Variants in CNTN6 observed in about 807,000 individuals in gnomAD.
The protein encoded by CNTN6 is contactin-6.
A neutral mutation model predicts 122.8 loss-of-function variants in CNTN6; 137 were observed. The ratio of observed to expected loss-of-function variants is 1.12; its 90% confidence interval spans 0.97 to 1.29. The LOEUF is 1.29. Ranked by LOEUF, CNTN6 falls within the 50% of genes most tolerant of loss-of-function variation. The pLI is 0.00. For missense variants in CNTN6, 1,634 were observed against 1,223.4 expected (o/e 1.34, Z -5.01); for synonymous variants, 570 against 426.0 (o/e 1.34, Z -4.16).
At chr3:1,396,310 T>C (rs1278685327) in intron 20 of CNTN6, among the ~76,000 whole-genome samples, 1 of 152,198 alleles carries the variant, frequency 6.6e-6, no homozygotes, top group African/African-American at 2.4e-5. Context: ...AATGGTCTTT[T>C]TTCTGCTCTA....
chr3:1,346,117 C>T (rs1050260821), intron 11 of CNTN6, among the ~76,000 whole-genome samples: 1 of 151,958 alleles, frequency 6.6e-6, no homozygotes, highest in Non-Finnish European at 1.5e-5. Flanking sequence ...TTGGAATCTA[C>T]ATGTACAGAT....
intron 7 of CNTN6, among the ~76,000 whole-genome samples, chr3:1,305,563 G>A (rs1431858514): frequency 2.0e-5 from 3 of 151,930 alleles, no homozygotes; most frequent in South Asian, 2.1e-4. Flanking sequence ...AGATATGTAC[G>A]TCTCCTTTGA....
At position 1,401,461 on chromosome 3, in the gene CNTN6, C is replaced by T; in HGVS notation, c.2733C>T (p.Ala911=). 3 of 1,611,980 alleles carry T rather than the reference C, an allele frequency of 1.9e-6. No individual in the cohort carries two copies. Among genetic ancestry groups the T allele is most frequent in the Non-Finnish European group, 2.5e-6 (3 of 1,178,616 alleles). Residue 911 remains alanine, a synonymous_variant, in exon 21 of 23, where the codon GCC becomes GCT. Transcript: ENST00000446702. ...CAAGCCAACCACCAGCAAACATTGC[C>T]TGGAAGCTGACAAACTCTAAATTAT... ...SPPSQPPANI[A]WKLTNSKLCL...
chr3:1,172,367 G>A (rs944902412), intron 2 of CNTN6, among the ~76,000 whole-genome samples: 1 of 147,642 alleles, frequency 6.8e-6, no homozygotes, highest in Non-Finnish European at 1.5e-5. Context: ...AGGAAAACAA[G>A]AAAGAAGGGA....
At chr3:1,268,109 C>T (rs1456992337) in intron 4 of CNTN6, among the ~76,000 whole-genome samples, 4 of 152,132 alleles carry the variant, frequency 2.6e-5, no homozygotes, top group Non-Finnish European at 5.9e-5. Flanking sequence ...CCCTGCAGAA[C>T]AAAAGGTGAG....
intron 2 of CNTN6, among the ~76,000 whole-genome samples, chr3:1,200,069 T>TA (rs2093840098): frequency 7.2e-5 from 11 of 152,290 alleles, no homozygotes; most frequent in African/African-American, 2.6e-4. Context: ...TATATATATA[T>TA]TTTTTAAGAT....
chr3:1,311,299 G>GTATATGTATATATAAAATGTATATATACA lies in CNTN6; in HGVS notation c.762-10343_762-10342insTATATAAAATGTATATATACATATATGTA, dbSNP rs1559786629. ...CATACATATTTATATATACATATACGTATATGTACATATAAAATGTATATA... is the reference window on the plus strand; with the variant it reads ...CATACATATTTATATATACATATACGTATATGTATATATAAAATGTATATATACATATATGTACATATAAAATGTATATA... On this transcript the variant is annotated intron_variant, in intron 7 of 22. Coordinates refer to ENST00000446702, the MANE Select transcript of CNTN6 (RefSeq NM_001289080.2). 4.4e-3 allele frequency among the ~76,000 whole-genome samples: 613 copies of GTATATGTATATATAAAATGTATATATACA among 138,770 alleles called. 117 individuals are homozygous for GTATATGTATATATAAAATGTATATATACA. The highest frequency in any genetic ancestry group is 0.014 in the African/African-American group (536 of 36,974). The allele number at this position is 138,770 out of a possible 152,430, so 91.0% of individuals were successfully genotyped here. A position where few individuals can be genotyped will look rare whatever the true frequency, so the allele number is the denominator to read the frequency against.
At chr3:1,358,293 T>G (rs1706910426) in intron 12 of CNTN6, among the ~76,000 whole-genome samples, 1 of 151,986 alleles carries the variant, frequency 6.6e-6, no homozygotes, top group African/African-American at 2.4e-5. Flanking sequence ...TGCCCAAACC[T>G]GCAAACACTT....
intron 7 of CNTN6, among the ~76,000 whole-genome samples, chr3:1,311,079 T>G (rs1699158015): frequency 6.6e-6 from 1 of 151,760 alleles, no homozygotes; most frequent in African/African-American, 2.4e-5. Context: ...GTTACTTCCT[T>G]TGCTTAAAGC....
In CNTN6 at chr3:1,181,197, A is replaced by G. The variant is rs185568495; in HGVS notation, c.55+33134A>G. Among the ~76,000 whole-genome samples the G allele has an allele frequency of 2.5e-3, 375 of 152,148 alleles. 1 individual carries two copies. Among genetic ancestry groups the G allele is most frequent in the African/African-American group, 8.8e-3 (364 of 41,504 alleles). ...TTTAATAGCTCTGTGAAGCAGTACT[A>G]TTTTCTTTGACTGATAAGATCATTG... On this transcript the variant is annotated intron_variant, in intron 2 of 22. Transcript: ENST00000446702.
chr3:1,296,637 A>G (rs1030694248), intron 6 of CNTN6, among the ~76,000 whole-genome samples: 1 of 152,184 alleles, frequency 6.6e-6, no homozygotes, highest in Non-Finnish European at 1.5e-5. Context: ...AATGAAGCAT[A>G]ACAGAATTGT....
chr3:1,095,283 C>T (rs369588450), intron 1 of CNTN6, among the ~76,000 whole-genome samples: 1 of 151,990 alleles, frequency 6.6e-6, no homozygotes, highest in Non-Finnish European at 1.5e-5. Flanking sequence ...CCATCCTGGC[C>T]AACATGGTGA....
At chr3:1,275,098 C>T (rs930635971) in intron 4 of CNTN6, among the ~76,000 whole-genome samples, 5 of 152,222 alleles carry the variant, frequency 3.3e-5, no homozygotes, top group East Asian at 1.9e-4. Context: ...TTACAAAGGC[C>T]GATCCTTCCA....
At chr3:1,344,066 C>T (rs774733431) in intron 11 of CNTN6, among the ~76,000 whole-genome samples, 3 of 152,034 alleles carry the variant, frequency 2.0e-5, no homozygotes, top group Non-Finnish European at 2.9e-5. Flanking sequence ...ATCGGGGCTG[C>T]GGTTAAGTTA....
chr3:1,334,532 G>A (rs890435260), intron 11 of CNTN6, among the ~76,000 whole-genome samples: 3 of 152,032 alleles, frequency 2.0e-5, no homozygotes, highest in Admixed American at 6.6e-5. Context: ...TAGCCCAAGG[G>A]GTTGAAATTG....
intron 20 of CNTN6, among the ~76,000 whole-genome samples, chr3:1,395,245 T>G (rs536377369): frequency 5.4e-4 from 83 of 152,314 alleles, no homozygotes; most frequent in African/African-American, 1.9e-3. Flanking sequence ...AACTTTTCTA[T>G]TATTCTATTA....
chr3:1,378,070 TC>T (rs1415152554), intron 17 of CNTN6, among the ~76,000 whole-genome samples: 9 of 152,086 alleles, frequency 5.9e-5, no homozygotes, highest in African/African-American at 2.2e-4. Flanking sequence ...TCCAGACTCT[TC>T]CAGTGAATAT....
intron 7 of CNTN6, among the ~76,000 whole-genome samples, chr3:1,311,802 T>C (rs1189916695): frequency 6.6e-6 from 1 of 151,920 alleles, no homozygotes; most frequent in Admixed American, 6.6e-5. Context: ...TTTTTAATTC[T>C]TAAAAATATA....
In CNTN6 at chr3:1,342,483, A is replaced by T. The variant is rs148173573; in HGVS notation, c.1365-9841A>T. 4.9e-3 allele frequency among the ~76,000 whole-genome samples: 742 copies of T among 152,172 alleles called. 7 individuals are homozygous for T. Among genetic ancestry groups the T allele is most frequent in the African/African-American group, 0.017 (698 of 41,512 alleles). ...CAGCAAAACATAGCAAATTGGATTT[A>T]TTTGTTACCTGTTTATGATGTCACT... is the stretch of plus-strand genomic sequence containing the variant. On this transcript the variant is annotated intron_variant, in intron 11 of 22. Transcript: ENST00000446702.
Sources: allele counts gnomAD v4.1 joint callset (sites outside exome capture counted in the v4.1 genomes callset), GRCh38; gene constraint gnomAD v4.1.1; transcripts MANE v1.5; gene names NCBI Gene and HGNC (gene_info 2026-07-23, HGNC 2026-07-21).